SPATS2: variants seen among roughly 807,000 people sequenced by gnomAD.
SPATS2 encodes the protein spermatogenesis-associated serine-rich protein 2.
Under a neutral mutation model 63.7 loss-of-function variants are expected in SPATS2, and 38 were observed. That is an observed-to-expected ratio of 0.60 (90% CI 0.46 to 0.78). The LOEUF (loss-of-function observed/expected upper bound fraction) is 0.78, where lower values mean the gene tolerates loss of function less well. Ranked by LOEUF, SPATS2 falls within the 30% of genes least tolerant of loss-of-function variation. SPATS2 has a pLI of 0.00. For missense variants in SPATS2, 588 were observed against 666.2 expected (o/e 0.88, Z 1.29); for synonymous variants, 207 against 232.9 (o/e 0.89, Z 1.01).
chr12:49,398,162 AAAAG>A (rs1164854500), intron 2 of SPATS2, among the ~76,000 whole-genome samples: 3 of 142,386 alleles, frequency 2.1e-5, no homozygotes, highest in Non-Finnish European at 4.6e-5. Context: ...AAAAAAAAAG[AAAAG>A]AAAAGAAAAA....
At chr12:49,445,566 G>A (rs1945495894) in intron 2 of SPATS2, among the ~76,000 whole-genome samples, 1 of 151,948 alleles carries the variant, frequency 6.6e-6, no homozygotes, top group Admixed American at 6.6e-5. Flanking sequence ...CACCCAGGCT[G>A]GAGTGTAGTG....
rs527639327 is a variant in SPATS2, at chr12:49,394,173, A to G, written c.-244+22883A>G. Among the ~76,000 whole-genome samples, 13 of 152,076 alleles carry G rather than the reference A, an allele frequency of 8.5e-5. No individual in the cohort carries two copies. The East Asian group carries it at 2.1e-3, about 25-fold the overall frequency. Reference sequence around the variant, plus strand: ...GGCAACATGGCGAAACCCTGTCTCTACCAAAAATACAAAAATTAGCCGGGC... The same window carrying G: ...GGCAACATGGCGAAACCCTGTCTCTGCCAAAAATACAAAAATTAGCCGGGC... On this transcript the variant is annotated intron_variant, in intron 2 of 13. Coordinates refer to ENST00000552918, the MANE Select transcript of SPATS2 (RefSeq NM_023071.4).
intron 4 of SPATS2, among the ~76,000 whole-genome samples, chr12:49,486,072 TA>T (rs1049603874): frequency 6.6e-6 from 1 of 151,530 alleles, no homozygotes; most frequent in Admixed American, 6.6e-5. Context: ...CTGTCTTATT[TA>T]AAAAAAAATT....
At chr12:49,511,680 A>G (rs1357307312) in intron 9 of SPATS2, among the ~76,000 whole-genome samples, 2 of 152,190 alleles carry the variant, frequency 1.3e-5, no homozygotes, top group South Asian at 2.1e-4. Context: ...TTGGCCACAC[A>G]TACATACTGG....
At chr12:49,464,093 T>C (rs1269660317) in intron 3 of SPATS2, among the ~76,000 whole-genome samples, 1 of 152,192 alleles carries the variant, frequency 6.6e-6, no homozygotes, top group Non-Finnish European at 1.5e-5. Flanking sequence ...ATCTAAGCCC[T>C]TTTAAACACA....
chr12:49,367,516 T>C lies in SPATS2; in HGVS notation c.-378T>C. The C allele has an allele frequency of 2.5e-6, 1 of 398,354 alleles. No individual in the cohort carries two copies. Among genetic ancestry groups the C allele is most frequent in the Non-Finnish European group, 4.4e-6 (1 of 226,510 alleles). 24.7% of individuals were successfully genotyped at this position (398,354 alleles called of 1,614,324 possible). ...AGGTGGAGGATCTCCTTTCCTCTTC[T>C]CAGACCCGGGAGCGTCCGGGACGCG... On this transcript the variant is annotated 5_prime_UTR_variant, in exon 1 of 14. Coordinates refer to ENST00000552918, the MANE Select transcript of SPATS2 (RefSeq NM_023071.4).
At chr12:49,378,960 C>T (rs1944159988) in intron 2 of SPATS2, among the ~76,000 whole-genome samples, 1 of 151,656 alleles carries the variant, frequency 6.6e-6, no homozygotes, top group Non-Finnish European at 1.5e-5. Flanking sequence ...CTCTGTCGAC[C>T]AGGCTGGATC....
intron 10 of SPATS2, among the ~76,000 whole-genome samples, chr12:49,516,200 T>TAA (rs1273670089): frequency 0.012 from 772 of 61,902 alleles, 54 homozygotes; most frequent in South Asian, 0.018. Context: ...TATATATATA[T>TAA]ATATATATAA....
intron 2 of SPATS2, among the ~76,000 whole-genome samples, chr12:49,435,367 C>T (rs1230562452): frequency 3.4e-5 from 5 of 147,714 alleles, no homozygotes; most frequent in African/African-American, 7.5e-5. Context: ...CTTTGTCGCC[C>T]GGGCCAGAGT....
upstream of SPATS2, chr12:49,367,399 G>C (rs1028447180): frequency 7.6e-6 from 3 of 396,934 alleles, no homozygotes; most frequent in South Asian, 1.3e-4. Flanking sequence ...GGAGAGAAGT[G>C]GGGAGGCGGC....
intron 3 of SPATS2, among the ~76,000 whole-genome samples, chr12:49,482,655 C>T (rs1405076445): frequency 2.6e-5 from 4 of 152,180 alleles, no homozygotes; most frequent in Non-Finnish European, 1.5e-5. Context: ...GTATGCCATT[C>T]GCTTCCTCTT....
intron 9 of SPATS2, among the ~76,000 whole-genome samples, chr12:49,503,321 G>T (rs910135849): frequency 1.7e-4 from 24 of 141,296 alleles, no homozygotes; most frequent in East Asian, 6.6e-4. Context: ...TTGCACTCCA[G>T]CCTGGGCGAT....
chr12:49,404,843 C>G (rs1265070978), intron 2 of SPATS2, among the ~76,000 whole-genome samples: 1 of 151,992 alleles, frequency 6.6e-6, no homozygotes, highest in Non-Finnish European at 1.5e-5. Flanking sequence ...TGTTGTATGG[C>G]CTGCAAGCTA....
chr12:49,437,085 G>GGGC (rs1945321178), intron 2 of SPATS2, among the ~76,000 whole-genome samples: 1 of 151,766 alleles, frequency 6.6e-6, no homozygotes, highest in Non-Finnish European at 1.5e-5. Context: ...AGTGGCTGCC[G>GGGC]GGCGGAGGGG....
intron 2 of SPATS2, among the ~76,000 whole-genome samples, chr12:49,428,628 T>G (rs1945125774): frequency 6.6e-6 from 1 of 152,264 alleles, no homozygotes; most frequent in South Asian, 2.1e-4. Flanking sequence ...AAAGTCTGAA[T>G]AATATTCCAT....
chr12:49,397,508 C>G (rs753647267), intron 2 of SPATS2, among the ~76,000 whole-genome samples: 2 of 152,088 alleles, frequency 1.3e-5, no homozygotes, highest in Non-Finnish European at 2.9e-5. Flanking sequence ...AGTATAGAAT[C>G]TGGCATATTA....
At chr12:49,489,703 A>G (rs2137873703) in intron 5 of SPATS2, 130 bp downstream of exon 5, 1 of 679,474 alleles carries the variant, frequency 1.5e-6, no homozygotes, top group East Asian at 2.8e-5. Flanking sequence ...ATAACATACC[A>G]TGACATTTGA....
intron 2 of SPATS2, among the ~76,000 whole-genome samples, chr12:49,434,194 T>G (rs1346347159): frequency 1.3e-5 from 2 of 152,218 alleles, no homozygotes; most frequent in Non-Finnish European, 2.9e-5. Context: ...TTGTAATATG[T>G]TTTGAAATCA....
rs1167413985 is a variant in SPATS2 at position 49,411,827 on chromosome 12, C to CTTCTGCCA, written c.-244+40544_-244+40551dup. Reference sequence around the variant, plus strand: ...CCTTGCTATTCTTCTTTCACAGTACCTTCTGCCATTCTGCTGGGGCCAATT... The same window carrying CTTCTGCCA: ...CCTTGCTATTCTTCTTTCACAGTACCTTCTGCCATTCTGCCATTCTGCTGGGGCCAATT... On this transcript the variant is annotated intron_variant, in intron 2 of 13. Transcript: ENST00000552918. Among the ~76,000 whole-genome samples the CTTCTGCCA allele has an allele frequency of 3.3e-5, 5 of 152,146 alleles. No homozygotes were observed. In the South Asian group the frequency reaches 1.0e-3, roughly 32 times the overall value.
Sources: allele counts gnomAD v4.1 joint callset (sites outside exome capture counted in the v4.1 genomes callset), GRCh38; gene constraint gnomAD v4.1.1; transcripts MANE v1.5; gene names NCBI Gene and HGNC (gene_info 2026-07-23, HGNC 2026-07-21).